The following CELF2 variants were observed in gnomAD, a reference collection of about 807,000 sequenced individuals.
CELF2 encodes CUGBP Elav-like family member 2.
CELF2 carries 8 observed loss-of-function variants against 62.6 expected under a neutral mutation model. The ratio of observed to expected loss-of-function variants is 0.13; its 90% CI spans 0.07 to 0.23. CELF2 has a LOEUF of 0.23. Ranked by LOEUF, CELF2 falls within the 10% of genes least tolerant of loss-of-function variation. The pLI is 1.00. For missense variants in CELF2, 333 were observed against 671.0 expected (o/e 0.50, Z 5.56); for synonymous variants, 258 against 250.0 (o/e 1.03, Z -0.30).
chr10:11,193,596 C>G (rs796847128), intron 2 of CELF2, among the ~76,000 whole-genome samples: 2 of 152,170 alleles, frequency 1.3e-5, no homozygotes, highest in African/African-American at 2.4e-5. Flanking sequence ...TTCATTCCAC[C>G]TGAGGACTCC....
At position 11,297,788 on chromosome 10, in the gene CELF2, C is replaced by T. The variant is rs1325072480; in HGVS notation, c.976+9236C>T. ...CTGAGGCCAGGAGTTTGAGACCAGC[C>T]TGGCCAACATGGTGAAACCCTGTCT... On this transcript the variant is annotated intron_variant, in intron 9 of 12. Coordinates refer to ENST00000633077, the MANE Select transcript of CELF2 (RefSeq NM_001326342.2). This position sits in a 1 kb window ranked among gnomAD's most constrained non-coding sequence, Gnocchi z 4.4. 6.6e-6 allele frequency among the ~76,000 whole-genome samples: 1 copy of T among 152,110 alleles called. No homozygotes were observed. The highest frequency in any genetic ancestry group is 6.5e-5 in the Admixed American group (1 of 15,278).
At chr10:10,519,479 C>T in the CELF2 span, among the ~76,000 whole-genome samples, 1 of 152,086 alleles carries the variant, frequency 6.6e-6, no homozygotes, top group Non-Finnish European at 1.5e-5. Flanking sequence ...GCTTTGGAAC[C>T]TCACAAGTCA....
chr10:10,750,477 C>G, the CELF2 span, among the ~76,000 whole-genome samples: 1 of 152,170 alleles, frequency 6.6e-6, no homozygotes, highest in African/African-American at 2.4e-5. Context: ...ACTTACTGTG[C>G]ATTGACATGG....
chr10:10,539,868 G>T, the CELF2 span, among the ~76,000 whole-genome samples: 1 of 152,316 alleles, frequency 6.6e-6, no homozygotes, highest in South Asian at 2.1e-4. Context: ...AAAGTAAGAC[G>T]ATAAGCCAGG....
intron 3 of CELF2, among the ~76,000 whole-genome samples, chr10:11,241,093 G>T (rs142443880): frequency 1.3e-5 from 2 of 152,204 alleles, no homozygotes; most frequent in South Asian, 4.1e-4. Flanking sequence ...GAGTGACGGC[G>T]AAGGGGAGGC....
the CELF2 span, among the ~76,000 whole-genome samples, chr10:10,757,821 C>T: frequency 6.6e-6 from 1 of 152,170 alleles, no homozygotes; most frequent in African/African-American, 2.4e-5. Flanking sequence ...CCCTTGTTAT[C>T]CTGCTGCTGA....
intron 1 of CELF2, among the ~76,000 whole-genome samples, chr10:11,055,358 T>C (rs1356112290): frequency 6.6e-6 from 1 of 152,218 alleles, no homozygotes; most frequent in Non-Finnish European, 1.5e-5. Flanking sequence ...CTGCATTTCA[T>C]GAACAGGATC....
chr10:11,218,036 T>TA (rs1194804361), intron 3 of CELF2, among the ~76,000 whole-genome samples: 7 of 152,160 alleles, frequency 4.6e-5, no homozygotes, highest in African/African-American at 1.7e-4. Flanking sequence ...GGACAGAAAA[T>TA]ACAAAGCTTA....
chr10:11,120,021 C>T (rs1437861902), intron 1 of CELF2, among the ~76,000 whole-genome samples: 1 of 152,002 alleles, frequency 6.6e-6, no homozygotes, highest in African/African-American at 2.4e-5. Context: ...TTCCATTTCC[C>T]AGCTGTTAAT....
intron 1 of CELF2, among the ~76,000 whole-genome samples, chr10:11,124,315 T>C (rs1295104065): frequency 6.6e-6 from 1 of 152,206 alleles, no homozygotes; most frequent in Non-Finnish European, 1.5e-5. Context: ...CTCTTATTAT[T>C]CTTATATGAC....
the CELF2 span, among the ~76,000 whole-genome samples, chr10:10,580,553 C>T: frequency 2.6e-5 from 4 of 152,144 alleles, no homozygotes; most frequent in Admixed American, 6.6e-5. Context: ...GTGTGACCTT[C>T]GGCAAGCTCC....
At chr10:11,259,829 T>C (rs540693219) in intron 5 of CELF2, among the ~76,000 whole-genome samples, 1 of 152,228 alleles carries the variant, frequency 6.6e-6, no homozygotes, top group Non-Finnish European at 1.5e-5. Context: ...GAAAAGACAG[T>C]GTGGCTAAAT....
chr10:11,269,206 A>T lies in CELF2; in HGVS notation c.619-1460A>T, dbSNP rs1023626297. ...AGATACAGAAAAAAATGAATTACAG[A>T]TTTTTTTAAATGATGGAAATACTAT... On this transcript the variant is annotated intron_variant, in intron 6 of 12. Transcript: ENST00000633077. The surrounding 1 kb of genome is among the most constrained non-coding windows in gnomAD (Gnocchi z 4.4). 5.9e-5 allele frequency among the ~76,000 whole-genome samples: 9 copies of T among 152,292 alleles called. No individual in the cohort carries two copies. Among genetic ancestry groups the T allele is most frequent in the African/African-American group, 1.9e-4 (8 of 41,558 alleles).
At chr10:10,768,244 C>T in the CELF2 span, among the ~76,000 whole-genome samples, 1 of 151,882 alleles carries the variant, frequency 6.6e-6, no homozygotes, top group Non-Finnish European at 1.5e-5. Flanking sequence ...GCTGGTAACT[C>T]ACCTACCTTT....
At chr10:11,035,474 C>T (rs1231540010) in intron 1 of CELF2, among the ~76,000 whole-genome samples, 1 of 152,196 alleles carries the variant, frequency 6.6e-6, no homozygotes, top group Non-Finnish European at 1.5e-5. Flanking sequence ...CTTCAGATGA[C>T]TCAGCCAAAG....
rs1162449420 is a variant in CELF2, at chr10:11,270,449, C to T, written c.619-217C>T. Among the ~76,000 whole-genome samples the T allele has an allele frequency of 6.6e-6, 1 of 152,148 alleles. No individual in the cohort carries two copies. ...AGAGCAAGAAAGCAAGTGACTTCACCGACCACCAGATCCCCCAAAGAAACC... is the reference window on the plus strand; with the variant it reads ...AGAGCAAGAAAGCAAGTGACTTCACTGACCACCAGATCCCCCAAAGAAACC... On this transcript the variant is annotated intron_variant, in intron 6 of 12. Transcript: ENST00000633077. This position sits in a 1 kb window ranked among gnomAD's most constrained non-coding sequence, Gnocchi z 5.8.
the CELF2 span, among the ~76,000 whole-genome samples, chr10:10,544,178 TC>T: frequency 6.6e-6 from 1 of 152,180 alleles, no homozygotes; most frequent in Non-Finnish European, 1.5e-5. Context: ...TGAAACAGTG[TC>T]TCCCTTGGGC....
intron 1 of CELF2, among the ~76,000 whole-genome samples, chr10:10,837,124 C>A (rs796764612): frequency 5.3e-5 from 8 of 152,314 alleles, no homozygotes; most frequent in African/African-American, 1.9e-4. Context: ...GTGTCCCCAC[C>A]CAAATCTCAT....
the CELF2 span, among the ~76,000 whole-genome samples, chr10:10,494,271 G>A: frequency 6.6e-6 from 1 of 152,204 alleles, no homozygotes; most frequent in Admixed American, 6.5e-5. Context: ...ATGGAGCAGG[G>A]TTTTGAAATA....
Sources: allele counts gnomAD v4.1 joint callset (sites outside exome capture counted in the v4.1 genomes callset), GRCh38; gene constraint gnomAD v4.1.1; non-coding constraint Gnocchi (gnomAD v3.1); transcripts MANE v1.5; gene names NCBI Gene and HGNC (gene_info 2026-07-23, HGNC 2026-07-21).